Variants in PCDHGA1 observed in about 807,000 individuals in gnomAD.
PCDHGA1 encodes the protein protocadherin gamma subfamily A, 1.
A neutral mutation model predicts 58.0 loss-of-function variants in PCDHGA1; 32 were observed. The ratio of observed to expected loss-of-function variants is 0.55; its 90% CI spans 0.42 to 0.74. PCDHGA1 has a LOEUF of 0.74. Ranked by LOEUF, PCDHGA1 falls within the 30% of genes least tolerant of loss-of-function variation. PCDHGA1 has a pLI of 0.00. For missense variants in PCDHGA1, 1,205 were observed against 1,182.3 expected, an observed-to-expected ratio of 1.02 and a Z score of -0.28; for synonymous variants, 498 against 501.1, an observed-to-expected ratio of 0.99 and a Z score of 0.08.
chr5:141,385,520 G>A, intron 1 of PCDHGA1: 1 of 1,359,080 alleles, frequency 7.4e-7, no homozygotes, highest in African/African-American at 1.5e-5. Flanking sequence ...GAAAGCCTAT[G>A]GACAAGATTA....
intron 1 of PCDHGA1, chr5:141,342,120 A>G (rs1413472452): frequency 6.7e-6 from 1 of 148,998 alleles, no homozygotes; most frequent in East Asian, 2.0e-4. Flanking sequence ...CTTTTTTTTT[A>G]TCTTTCTCAT....
intron 1 of PCDHGA1, chr5:141,375,227 G>C: frequency 6.2e-7 from 1 of 1,613,962 alleles, no homozygotes; most frequent in East Asian, 2.2e-5. Context: ...GAATGGCCTG[G>C]TAACCTGTTC....
intron 1 of PCDHGA1, chr5:141,415,740 G>GTTTTTTGT (rs2095911797): frequency 1.9e-6 from 1 of 515,998 alleles, no homozygotes; most frequent in East Asian, 8.3e-5. Flanking sequence ...GTTTATTAAG[G>GTTTTTTGT]TTTTTTTTTT....
chr5:141,383,730 G>T (rs781549329), intron 1 of PCDHGA1: 2 of 1,613,866 alleles, frequency 1.2e-6, no homozygotes, highest in Admixed American at 3.3e-5. Context: ...ATGGGGAAGT[G>T]ACATATTCTT....
At chr5:141,395,424 T>C in intron 1 of PCDHGA1, 2 of 735,384 alleles carry the variant, frequency 2.7e-6, no homozygotes, top group Middle Eastern at 7.8e-4. Flanking sequence ...TTTCATTTGC[T>C]TTTAAACGAC....
At chr5:141,356,030 T>C (rs750910395) in intron 1 of PCDHGA1, 1 of 1,613,998 alleles carries the variant, frequency 6.2e-7, no homozygotes, top group Admixed American at 1.7e-5. Context: ...AATGGAGACG[T>C]GACGTATTCT....
chr5:141,347,137 C>CTCTTTCTTTCTCTCTTTCTTTCTT, intron 1 of PCDHGA1, among the ~76,000 whole-genome samples: 1 of 113,834 alleles, frequency 8.8e-6, no homozygotes, highest in East Asian at 2.4e-4. Flanking sequence ...CTCTGTTTCT[C>CTCTTTCTTTCTCTCTTTCTTTCTT]TCTTTCTTTC....
At chr5:141,392,654 A>G (rs2092571814) in intron 1 of PCDHGA1, 1 of 734,690 alleles carries the variant, frequency 1.4e-6, no homozygotes, top group Admixed American at 3.4e-5. Flanking sequence ...AGACCCGCAG[A>G]TGCCACAAAC....
chr5:141,431,776 C>T lies in PCDHGA1; in HGVS notation c.2422-63031C>T. 6.2e-7 allele frequency: 1 copy of T among 1,614,228 alleles called. No individual in the cohort carries two copies. The stretch of plus-strand genomic sequence containing the variant: ...CCAAAGTCCTGATCACTGTTCTGGA[C>T]GTGAACGACAATGCCCCAGAAGTGG... On this transcript the variant is annotated intron_variant, in intron 1 of 3. Coordinates refer to ENST00000517417, the MANE Select transcript of PCDHGA1 (RefSeq NM_018912.3). The surrounding 1 kb of genome is among the most constrained non-coding windows in gnomAD (Gnocchi z 4.8).
At chr5:141,374,076 A>AGCCAGTAATGGCGCCTCCGCAGAGGC (rs1770087883) in intron 1 of PCDHGA1, 1 of 1,514,538 alleles carries the variant, frequency 6.6e-7, no homozygotes, top group Non-Finnish European at 8.8e-7. Flanking sequence ...GTTCCTAATA[A>AGCCAGTAATGGCGCCTCCGCAGAGGC]GCCAGTAATG....
rs777133589 is a variant in PCDHGA1, at chr5:141,390,020, C to G, written c.2421+56915C>G. The stretch of plus-strand genomic sequence containing the variant: ...CCATGATTCTGGCCATTGCCTTGCG[C>G]CTGCGACGCTCCTCCAGCCCCGCCT... On this transcript the variant is annotated intron_variant, in intron 1 of 3. Transcript: ENST00000517417. 4 of 1,613,930 alleles carry G rather than the reference C, an allele frequency of 2.5e-6. No homozygotes were observed. The African/African-American group carries it at 5.3e-5, about 22-fold the overall frequency.
chr5:141,331,331 A>T lies in PCDHGA1; in HGVS notation c.647A>T (p.Asp216Val), dbSNP rs1297860796. ...AVHHLILTAS[D>V]GGEPVRSGTL... ...CACCACCTCATCCTCACAGCTTCTG[A>T]TGGGGGTGAACCAGTCCGTTCAGGG... The change falls in exon 1 of 4, where the codon GAT becomes GTT. Residue 216 changes from aspartate (D) to valine (V), a missense_variant. Physicochemically the swap from Asp to Val is radical, Grantham distance 152. Transcript: ENST00000517417. 22 of 1,614,148 alleles carry T rather than the reference A, an allele frequency of 1.4e-5. No homozygotes were observed. Among genetic ancestry groups the T allele is most frequent in the Non-Finnish European group, 1.9e-5 (22 of 1,180,040 alleles).
At chr5:141,480,942 G>T (rs2099528600) in intron 1 of PCDHGA1, among the ~76,000 whole-genome samples, 3 of 152,132 alleles carry the variant, frequency 2.0e-5, no homozygotes, top group Non-Finnish European at 2.9e-5. Flanking sequence ...CTACTCTAGA[G>T]GCTGAGGCGG....
chr5:141,487,798 G>A lies in PCDHGA1; in HGVS notation c.2422-7009G>A, dbSNP rs1197016007. 6.7e-7 allele frequency: 1 copy of A among 1,498,792 alleles called. No homozygotes were observed. Among genetic ancestry groups the A allele is most frequent in the South Asian group, 1.3e-5 (1 of 78,368 alleles). 92.8% of individuals were successfully genotyped at this position (1,498,792 alleles called of 1,614,324 possible). On this transcript the variant is annotated intron_variant, in intron 1 of 3. Coordinates refer to ENST00000517417, the MANE Select transcript of PCDHGA1 (RefSeq NM_018912.3). The surrounding 1 kb of genome is among the most constrained non-coding windows in gnomAD (Gnocchi z 5.0). ...ACTGTTTCGTGAATTAACCAGAGTT[G>A]TCACAGTTTAGCATTGGGGGCGGGT...
At chr5:141,430,687 T>A in intron 1 of PCDHGA1, 3 of 1,399,922 alleles carry the variant, frequency 2.1e-6, no homozygotes, top group Non-Finnish European at 9.5e-7. Flanking sequence ...TGTCCCATTC[T>A]ATGGGCGAAG....
intron 1 of PCDHGA1, chr5:141,345,031 T>G (rs1276202464): frequency 2.5e-6 from 4 of 1,613,840 alleles, no homozygotes; most frequent in Non-Finnish European, 3.4e-6. Flanking sequence ...AGAGCCAAGA[T>G]TCTAGTCACG....
At position 141,339,021 on chromosome 5, in the gene PCDHGA1, G is replaced by A. The variant is rs770130711; in HGVS notation, c.2421+5916G>A. 5.7e-6 allele frequency: 9 copies of A among 1,590,798 alleles called. No individual in the cohort carries two copies. Among genetic ancestry groups the A allele is most frequent in the African/African-American group, 5.4e-5 (4 of 74,130 alleles). The stretch of plus-strand genomic sequence containing the variant: ...CACTGCAGAAAGCTGGTCCTGCTGT[G>A]CTTCCTTTTGGCGACCCTGTGGGAG... On this transcript the variant is annotated intron_variant, in intron 1 of 3. Transcript: ENST00000517417.
In PCDHGA1 at chr5:141,330,809, G is replaced by A. The variant is rs754983576; in HGVS notation, c.125G>A (p.Gly42Asp). ...TCAGTGCCGGAAGAGACAGACAAAG[G>A]TTCCTTCGTAGGCAACATCGCCAAG... Reference protein sequence around the residue: ...HYSVPEETDKGSFVGNIAKDL... With the variant: ...HYSVPEETDKDSFVGNIAKDL... Residue 42 changes from glycine to aspartate, a missense_variant, in exon 1 of 4, where the codon GGT becomes GAT. Gly to Asp is a moderately conservative substitution (Grantham distance 94). Coordinates refer to ENST00000517417, the MANE Select transcript of PCDHGA1 (RefSeq NM_018912.3). 3.1e-6 allele frequency: 5 copies of A among 1,614,198 alleles called. No individual in the cohort carries two copies. The highest frequency in any genetic ancestry group is 3.3e-5 in the Admixed American group (2 of 60,024).
intron 1 of PCDHGA1, among the ~76,000 whole-genome samples, chr5:141,424,889 G>A (rs1173725674): frequency 6.6e-6 from 1 of 152,090 alleles, no homozygotes; most frequent in Non-Finnish European, 1.5e-5. Flanking sequence ...ACTTATCTAG[G>A]GTTTTTGATC....
Sources: allele counts gnomAD v4.1 joint callset (sites outside exome capture counted in the v4.1 genomes callset), GRCh38; gene constraint gnomAD v4.1.1; non-coding constraint Gnocchi (gnomAD v3.1); transcripts MANE v1.5; gene names NCBI Gene and HGNC (gene_info 2026-07-23, HGNC 2026-07-21).